The following PLEKHA6 variants were observed in gnomAD, a reference collection of about 807,000 sequenced individuals.
The protein encoded by PLEKHA6 is pleckstrin homology domain containing A6.
In PLEKHA6, 60 loss-of-function variants were observed where a neutral mutation model predicts 116.7. The ratio of observed to expected loss-of-function variants is 0.51; its 90% CI spans 0.42 to 0.64. The LOEUF (loss-of-function observed/expected upper bound fraction) is 0.64, where lower values mean the gene tolerates loss of function less well. PLEKHA6 is among the 30% of genes least tolerant of loss of function. The pLI is 0.00. For missense variants in PLEKHA6, 1,338 were observed against 1,422.7 expected, an observed-to-expected ratio of 0.94 and a Z score of 0.96; for synonymous variants, 489 against 556.1, an observed-to-expected ratio of 0.88 and a Z score of 1.70.
chr1:204,286,207 C>T (rs560903210), intron 1 of PLEKHA6, among the ~76,000 whole-genome samples: 2 of 152,162 alleles, frequency 1.3e-5, no homozygotes, highest in African/African-American at 2.4e-5. Context: ...AAGACAATCT[C>T]AGAGGAACGG....
intron 1 of PLEKHA6, among the ~76,000 whole-genome samples, chr1:204,345,005 A>C (rs1244598063): frequency 2.0e-5 from 3 of 152,198 alleles, no homozygotes; most frequent in African/African-American, 2.4e-5. Context: ...AAAGCGACTT[A>C]CCGAGCACCA....
Position 204,257,749 on chromosome 1 carries a change from G to A in PLEKHA6, c.1128C>T (p.Ser376=). 6.2e-7 allele frequency: 1 copy of A among 1,613,732 alleles called. No homozygotes were observed. Among genetic ancestry groups the A allele is most frequent in the South Asian group, 1.1e-5 (1 of 90,970 alleles). ...GGCTGATCCGATCATAGGCCGGCAT[G>A]GAACAGATGCTCTCCGGCCGCACTC... ...PPGVRPESIC[S]MPAYDRISPP... Residue 376 remains serine, a synonymous_variant, in exon 9 of 23, where the codon TCC becomes TCT. Transcript: ENST00000272203. The surrounding 1 kb of genome is among the most constrained non-coding windows in gnomAD (Gnocchi z 6.5).
At chr1:204,294,430 C>T (rs959788952) in intron 1 of PLEKHA6, among the ~76,000 whole-genome samples, 2 of 152,168 alleles carry the variant, frequency 1.3e-5, no homozygotes, top group South Asian at 2.1e-4. Flanking sequence ...CCTGCTGTTG[C>T]GGAGGAAGAA....
At chr1:204,365,875 G>A (rs1203556059) in intron 3 of PLEKHA6, among the ~76,000 whole-genome samples, 2 of 152,168 alleles carry the variant, frequency 1.3e-5, no homozygotes, top group African/African-American at 4.8e-5. Flanking sequence ...GAGTAAGAGT[G>A]TGGAGGGGTG....
chr1:204,282,912 G>C (rs576513006), intron 1 of PLEKHA6: 314 of 549,314 alleles, frequency 5.7e-4, no homozygotes, highest in Non-Finnish European at 6.8e-4. Flanking sequence ...GAGAAAAAAG[G>C]CCCCAGCCCC....
chr1:204,307,896 T>G, intron 1 of PLEKHA6: 3 of 985,282 alleles, frequency 3.0e-6, no homozygotes, highest in Non-Finnish European at 3.6e-6. Context: ...ATCGAGGCAA[T>G]AAGGGCAACA....
chr1:204,315,273 C>T (rs1271744084), intron 1 of PLEKHA6, among the ~76,000 whole-genome samples: 1 of 152,128 alleles, frequency 6.6e-6, no homozygotes, highest in East Asian at 1.9e-4. Flanking sequence ...TCAGTGGTTA[C>T]CCCTCCCCTG....
At position 204,222,351 on chromosome 1, in the gene PLEKHA6, G is replaced by A. The variant is rs539896502; in HGVS notation, c.*437C>T. On this transcript the variant is annotated 3_prime_UTR_variant, in exon 23 of 23. Coordinates refer to ENST00000272203, the MANE Select transcript of PLEKHA6 (RefSeq NM_014935.5). ...TGGTGTCAGGCTGGCTCCAGAGGCA[G>A]TGTCCATCTCCTCTTCACCTCTAGT... 6.5e-6 allele frequency: 1 copy of A among 152,942 alleles called. No homozygotes were observed. The highest frequency in any genetic ancestry group is 1.9e-4 in the East Asian group (1 of 5,176). The allele number at this position is 152,942 out of a possible 1,614,324, so 9.5% of individuals were successfully genotyped here.
chr1:204,374,738 C>T (rs1673836518), intron 1 of PLEKHA6, among the ~76,000 whole-genome samples: 2 of 152,138 alleles, frequency 1.3e-5, no homozygotes, highest in African/African-American at 2.4e-5. Flanking sequence ...ACGCTGCCTC[C>T]CACTCAATGC....
At position 204,346,382 on chromosome 1, in the gene PLEKHA6, T is replaced by C. The variant is rs543887856; in HGVS notation, c.-95+13312A>G. On this transcript the variant is annotated intron_variant, in intron 1 of 22. Coordinates refer to ENST00000272203, the MANE Select transcript of PLEKHA6 (RefSeq NM_014935.5). ...CCTAGAGGAGGCAGCATCTACCACC[T>C]GCCTCTTCCAGAACACGGGTCTGGG... is the stretch of plus-strand genomic sequence containing the variant. 1.5e-4 allele frequency among the ~76,000 whole-genome samples: 22 copies of C among 149,112 alleles called. No homozygotes were observed. The South Asian group carries it at 2.2e-3, about 15-fold the overall frequency.
intron 15 of PLEKHA6, chr1:204,243,153 G>C: frequency 2.5e-6 from 1 of 399,434 alleles, no homozygotes; most frequent in African/African-American, 2.0e-5. Context: ...GCCAGGAAGG[G>C]GAGCTGGGGT....
At chr1:204,240,366 G>A (rs1442198740) in intron 17 of PLEKHA6, among the ~76,000 whole-genome samples, 1 of 152,238 alleles carries the variant, frequency 6.6e-6, no homozygotes, top group African/African-American at 2.4e-5. Context: ...AGAATGGATA[G>A]CAAAAGAAAG....
At chr1:204,343,700 A>G (rs2103325557) in intron 1 of PLEKHA6, among the ~76,000 whole-genome samples, 1 of 152,326 alleles carries the variant, frequency 6.6e-6, no homozygotes, top group Middle Eastern at 3.4e-3. Flanking sequence ...AACAATAGAA[A>G]AAACTACTTC....
At chr1:204,272,234 C>T (rs369867088) in intron 3 of PLEKHA6, among the ~76,000 whole-genome samples, 6 of 152,294 alleles carry the variant, frequency 3.9e-5, no homozygotes, top group Non-Finnish European at 7.3e-5. Context: ...TAGCCTCACA[C>T]GCCTTTTTTA....
In PLEKHA6 at chr1:204,223,598, A is replaced by G; in HGVS notation, c.3032-13T>C. 1.9e-6 allele frequency: 1 copy of G among 527,544 alleles called. No homozygotes were observed. The highest frequency in any genetic ancestry group is 2.3e-5 in the African/African-American group (1 of 43,668). The allele number at this position is 527,544 out of a possible 1,614,324, so 32.7% of individuals were successfully genotyped here. ...GTGGCACATTGCACTGGAAACAGAAATGAACAGGGAGGTGAATGGGGGTGG... is the reference window on the plus strand; with the variant it reads ...GTGGCACATTGCACTGGAAACAGAAGTGAACAGGGAGGTGAATGGGGGTGG... On this transcript the variant is annotated splice_polypyrimidine_tract_variant and intron_variant, in intron 21 of 22. Transcript: ENST00000272203. This position sits in a 1 kb window ranked among gnomAD's most constrained non-coding sequence, Gnocchi z 4.8.
At chr1:204,244,768 T>G in intron 15 of PLEKHA6, 96 bp downstream of exon 15, 1 of 939,668 alleles carries the variant, frequency 1.1e-6, no homozygotes, top group Non-Finnish European at 1.5e-6. Flanking sequence ...TGGAGGCCTG[T>G]GGGGAAGAGA....
At chr1:204,323,900 G>A (rs1282123379) in intron 1 of PLEKHA6, among the ~76,000 whole-genome samples, 4 of 152,196 alleles carry the variant, frequency 2.6e-5, no homozygotes, top group African/African-American at 4.8e-5. Context: ...TGAGGATGGA[G>A]TGGCAGGACT....
chr1:204,295,631 T>C (rs1007095333), intron 1 of PLEKHA6, among the ~76,000 whole-genome samples: 1 of 152,092 alleles, frequency 6.6e-6, no homozygotes, highest in African/African-American at 2.4e-5. Flanking sequence ...GAGCAAATTA[T>C]AGGACAAAAG....
intron 17 of PLEKHA6, among the ~76,000 whole-genome samples, chr1:204,236,161 C>T (rs1247024151): frequency 6.6e-6 from 1 of 152,172 alleles, no homozygotes; most frequent in African/African-American, 2.4e-5. Context: ...TTGGATCAGG[C>T]TGAATTTATT....
Sources: gnomAD v4.1 joint callset for allele counts (sites outside exome capture counted in the v4.1 genomes callset) on GRCh38, gnomAD v4.1.1 for gene constraint, Gnocchi (gnomAD v3.1) non-coding constraint, MANE v1.5 for transcripts, NCBI Gene and HGNC (gene_info 2026-07-23, HGNC 2026-07-21) for gene names.